PCDHA3: variants seen among roughly 807,000 people sequenced by gnomAD.
PCDHA3 encodes the protein protocadherin alpha 3.
In PCDHA3, 41 loss-of-function variants were observed where a neutral mutation model predicts 62.2. That is an observed-to-expected ratio of 0.66 (90% CI 0.51 to 0.86). PCDHA3 has a LOEUF of 0.86. Ranked by LOEUF, PCDHA3 falls within the 40% of genes least tolerant of loss-of-function variation. The pLI, the probability that PCDHA3 is intolerant of heterozygous loss-of-function variation, is 0.00. For missense variants in PCDHA3, 1,304 were observed against 1,241.2 expected (o/e 1.05, Z -0.76); for synonymous variants, 640 against 555.4 (o/e 1.15, Z -2.14).
At chr5:140,956,622 C>T (rs1438482570) in intron 1 of PCDHA3, among the ~76,000 whole-genome samples, 2 of 152,008 alleles carry the variant, frequency 1.3e-5, no homozygotes, top group African/African-American at 4.8e-5. Context: ...CTTTTTGTTG[C>T]ATCTCTGCCA....
chr5:140,857,531 G>A, intron 1 of PCDHA3: 2 of 1,597,582 alleles, frequency 1.3e-6, no homozygotes, highest in East Asian at 2.2e-5. Context: ...CTCTCTGGTG[G>A]AGCGGCGGTT....
chr5:140,821,069 T>C (rs2150108621), intron 1 of PCDHA3, among the ~76,000 whole-genome samples: 339 of 152,212 alleles, frequency 2.2e-3, no homozygotes, highest in Admixed American at 4.4e-3. Context: ...AAAATAGTTT[T>C]AGTTGTTTTT....
At chr5:140,936,347 G>A (rs2090928614) in intron 1 of PCDHA3, among the ~76,000 whole-genome samples, 1 of 152,066 alleles carries the variant, frequency 6.6e-6, no homozygotes, top group South Asian at 2.1e-4. Flanking sequence ...CTGCATATAT[G>A]GAATGTGTAG....
chr5:140,863,538 T>C (rs187152479), intron 1 of PCDHA3: 1 of 386,422 alleles, frequency 2.6e-6, no homozygotes, highest in Non-Finnish European at 5.0e-6. Flanking sequence ...ATTTTGGAGA[T>C]GGACTTCAAT....
intron 1 of PCDHA3, among the ~76,000 whole-genome samples, chr5:140,907,247 T>C (rs1328809549): frequency 1.3e-5 from 2 of 152,216 alleles, no homozygotes; most frequent in Non-Finnish European, 2.9e-5. Context: ...GACATTGTAA[T>C]TGTGACTTCA....
At chr5:140,877,137 G>A in intron 1 of PCDHA3, 1 of 1,613,796 alleles carries the variant, frequency 6.2e-7, no homozygotes. Context: ...AGGTGTTCGT[G>A]CTGGACGAGA....
At chr5:140,852,634 G>C (rs1450409196) in intron 1 of PCDHA3, 2 of 955,260 alleles carry the variant, frequency 2.1e-6, no homozygotes, top group African/African-American at 3.6e-5. Flanking sequence ...CTGAGCTCCT[G>C]TCATTAAACC....
chr5:140,893,338 T>C (rs1409461265), intron 1 of PCDHA3, among the ~76,000 whole-genome samples: 1 of 152,174 alleles, frequency 6.6e-6, no homozygotes, highest in African/African-American at 2.4e-5. Context: ...TTTTCCTTAG[T>C]GGCAGTGCTA....
chr5:140,804,966 T>C (rs1257876550), intron 1 of PCDHA3: 4 of 1,456,626 alleles, frequency 2.7e-6, no homozygotes, highest in Non-Finnish European at 3.7e-6. Flanking sequence ...GTAGTAGCCA[T>C]AGTGTGTCCA....
At chr5:140,842,458 A>G (rs1777969478) in intron 1 of PCDHA3, 4 of 1,613,788 alleles carry the variant, frequency 2.5e-6, no homozygotes, top group Non-Finnish European at 3.4e-6. Flanking sequence ...ACCTCGATTC[A>G]GGTGCCAACG....
In PCDHA3 at chr5:140,858,867, T is replaced by C. The variant is rs183298446; in HGVS notation, c.2394+55276T>C. 1.7e-4 allele frequency: 42 copies of C among 253,674 alleles called. No homozygotes were observed. In the East Asian group the frequency reaches 3.9e-3, roughly 24 times the overall value. 15.7% of individuals were successfully genotyped at this position (253,674 alleles called of 1,614,324 possible). ...CTGATCTATATCTCTTCAGTGAAAATGTGTTTTCCTCCATGTGTAGAATAT... is the reference window on the plus strand; with the variant it reads ...CTGATCTATATCTCTTCAGTGAAAACGTGTTTTCCTCCATGTGTAGAATAT... On this transcript the variant is annotated intron_variant, in intron 1 of 3. Coordinates refer to ENST00000522353, the MANE Select transcript of PCDHA3 (RefSeq NM_018906.3).
chr5:140,858,680 A>G (rs2045557174), intron 1 of PCDHA3: 4 of 623,692 alleles, frequency 6.4e-6, no homozygotes, highest in Non-Finnish European at 1.1e-5. Flanking sequence ...TTCTGAATAC[A>G]CTAATATTTT....
At chr5:140,881,321 T>C (rs1396829121) in intron 1 of PCDHA3, 1 of 983,920 alleles carries the variant, frequency 1.0e-6, no homozygotes, top group Non-Finnish European at 1.2e-6. Context: ...TTAAATTCTA[T>C]TTAACCAGGA....
At chr5:140,833,124 A>G (rs1436920350) in intron 1 of PCDHA3, among the ~76,000 whole-genome samples, 1 of 152,250 alleles carries the variant, frequency 6.6e-6, no homozygotes, top group Non-Finnish European at 1.5e-5. Flanking sequence ...AGTCATTTGA[A>G]AGCTGTCAAA....
chr5:140,804,861 A>T (rs1334289265), intron 1 of PCDHA3: 2 of 545,844 alleles, frequency 3.7e-6, no homozygotes, highest in Admixed American at 7.6e-5. Context: ...TAACACGTAA[A>T]ATAGATATTT....
Position 140,802,168 on chromosome 5 carries a change from A to T in PCDHA3, c.971A>T (p.Asp324Val), listed in dbSNP as rs1353989161. 2.5e-6 allele frequency: 4 copies of T among 1,614,244 alleles called. No individual in the cohort carries two copies. The highest frequency in any genetic ancestry group is 3.4e-6 in the Non-Finnish European group (4 of 1,180,044). Residue 324 changes from aspartate to valine, a missense_variant, in exon 1 of 4, where the codon GAT becomes GTT. Transcript: ENST00000522353. The part of the protein sequence containing the change: ...KSYEIQVEAT[D>V]KGNPPMSDHC... ...TATGAAATCCAGGTAGAAGCCACGG[A>T]TAAAGGAAATCCCCCAATGTCAGAT...
intron 1 of PCDHA3, chr5:140,966,994 C>T: frequency 6.2e-7 from 1 of 1,604,620 alleles, no homozygotes; most frequent in Non-Finnish European, 8.5e-7. Context: ...GGCCGGGTTG[C>T]TTGCGCATCA....
chr5:140,819,243 A>C (rs1186721766), intron 1 of PCDHA3, among the ~76,000 whole-genome samples: 1 of 152,162 alleles, frequency 6.6e-6, no homozygotes, highest in African/African-American at 2.4e-5. Flanking sequence ...TCTTCTCTGC[A>C]ATCTGGTATA....
At chr5:140,893,083 T>C (rs2063812039) in intron 1 of PCDHA3, among the ~76,000 whole-genome samples, 1 of 152,266 alleles carries the variant, frequency 6.6e-6, no homozygotes, top group Non-Finnish European at 1.5e-5. Flanking sequence ...GATTTCATTC[T>C]TTTTTATGGC....
Sources: gnomAD v4.1 joint callset for allele counts (sites outside exome capture counted in the v4.1 genomes callset) on GRCh38, gnomAD v4.1.1 for gene constraint, MANE v1.5 for transcripts, NCBI Gene and HGNC (gene_info 2026-07-23, HGNC 2026-07-21) for gene names.